LINGO2: variants seen among roughly 807,000 people sequenced by gnomAD.
The protein encoded by LINGO2 is leucine-rich repeat and immunoglobulin-like domain-containing nogo receptor-interacting protein 2.
LINGO2 carries 14 observed loss-of-function variants against 30.6 expected under a neutral mutation model. The observed-to-expected ratio is 0.46, with a 90% CI of 0.30 to 0.72. The LOEUF (loss-of-function observed/expected upper bound fraction) is 0.72, where lower values mean the gene tolerates loss of function less well. Ranked by LOEUF, LINGO2 falls within the 30% of genes least tolerant of loss-of-function variation. The pLI is 0.07. For synonymous variants in LINGO2, 317 were observed against 288.5 expected (o/e 1.10, Z -1.00); for missense variants, 729 against 751.7 (o/e 0.97, Z 0.35).
chr9:28,969,360 G>T, the LINGO2 span, among the ~76,000 whole-genome samples: 4 of 152,114 alleles, frequency 2.6e-5, no homozygotes, highest in Admixed American at 2.6e-4. Context: ...AAAGACCAGG[G>T]GCAGGTAGTG....
the LINGO2 span, among the ~76,000 whole-genome samples, chr9:28,780,828 TAATGTGTGTGTGTGTGTGTGTGTGTGTG>T: frequency 7.2e-6 from 1 of 139,442 alleles, no homozygotes; most frequent in East Asian, 2.1e-4. Flanking sequence ...ATCTTGGTAG[TAATGTGTGTGTGTGTGTGTGTGTGTGTG>T]TGTGTGTGTG....
At chr9:28,203,936 G>C (rs1476907938) in intron 4 of LINGO2, among the ~76,000 whole-genome samples, 1 of 152,036 alleles carries the variant, frequency 6.6e-6, no homozygotes, top group Non-Finnish European at 1.5e-5. Flanking sequence ...AATTTTTTCC[G>C]GTTGTTCCTC....
At chr9:28,100,023 G>T (rs1195122281) in intron 4 of LINGO2, among the ~76,000 whole-genome samples, 1 of 152,070 alleles carries the variant, frequency 6.6e-6, no homozygotes, top group Non-Finnish European at 1.5e-5. Context: ...ATGTACTTCT[G>T]CTCTTAGCAC....
the LINGO2 span, among the ~76,000 whole-genome samples, chr9:29,042,772 C>A: frequency 2.0e-5 from 3 of 151,862 alleles, no homozygotes; most frequent in African/African-American, 7.2e-5. Context: ...TTTTCTAATA[C>A]ACACAATTTG....
chr9:29,190,753 T>C, the LINGO2 span, among the ~76,000 whole-genome samples: 1 of 152,194 alleles, frequency 6.6e-6, no homozygotes, highest in Non-Finnish European at 1.5e-5. Context: ...AATTTCCATA[T>C]TATGAAAAAA....
At chr9:29,150,100 C>T in the LINGO2 span, among the ~76,000 whole-genome samples, 2 of 152,134 alleles carry the variant, frequency 1.3e-5, no homozygotes, top group Non-Finnish European at 2.9e-5. Context: ...AGTAGGAGCC[C>T]GTGTGCTGGC....
chr9:28,384,423 G>C (rs1821491861), intron 2 of LINGO2, among the ~76,000 whole-genome samples: 1 of 149,276 alleles, frequency 6.7e-6, no homozygotes, highest in Non-Finnish European at 1.5e-5. Flanking sequence ...CATTTTTTCA[G>C]TTAACATTTT....
chr9:28,717,366 G>C, the LINGO2 span, among the ~76,000 whole-genome samples: 34 of 151,440 alleles, frequency 2.2e-4, no homozygotes, highest in African/African-American at 8.0e-4. Context: ...AAAAGATGAA[G>C]GGGGGATTTT....
At chr9:29,175,607 A>G in the LINGO2 span, among the ~76,000 whole-genome samples, 1 of 145,820 alleles carries the variant, frequency 6.9e-6, no homozygotes. Flanking sequence ...GCTCACTGCA[A>G]CCTCCACGTC....
intron 2 of LINGO2, among the ~76,000 whole-genome samples, chr9:28,407,045 A>G (rs1359846135): frequency 1.3e-5 from 2 of 152,154 alleles, no homozygotes; most frequent in East Asian, 3.9e-4. Context: ...AATATATGAT[A>G]CTACTACATT....
At chr9:28,313,307 C>CT (rs1408465807) in intron 3 of LINGO2, among the ~76,000 whole-genome samples, 7 of 152,186 alleles carry the variant, frequency 4.6e-5, no homozygotes, top group Admixed American at 3.3e-4. Context: ...CTCTGGGCTC[C>CT]TGCTCACACA....
chr9:28,874,681 A>G, the LINGO2 span, among the ~76,000 whole-genome samples: 4 of 152,120 alleles, frequency 2.6e-5, no homozygotes, highest in African/African-American at 9.7e-5. Flanking sequence ...TTTTAAATAC[A>G]TAAAACACCT....
the LINGO2 span, among the ~76,000 whole-genome samples, chr9:29,187,088 T>A: frequency 6.6e-6 from 1 of 152,140 alleles, no homozygotes; most frequent in Admixed American, 6.5e-5. Flanking sequence ...AGCAAAATAG[T>A]AGAGCTAAAA....
chr9:28,743,449 C>G, the LINGO2 span, among the ~76,000 whole-genome samples: 6 of 152,020 alleles, frequency 3.9e-5, no homozygotes, highest in Non-Finnish European at 7.4e-5. Flanking sequence ...TTTTCTGCTC[C>G]TGTGCTAGTT....
chr9:28,578,061 C>A (rs1016919669), intron 1 of LINGO2, among the ~76,000 whole-genome samples: 1 of 152,078 alleles, frequency 6.6e-6, no homozygotes, highest in South Asian at 2.1e-4. Context: ...TACTTTGGGG[C>A]AGAGTACATT....
At chr9:29,038,169 T>C in the LINGO2 span, among the ~76,000 whole-genome samples, 1 of 152,092 alleles carries the variant, frequency 6.6e-6, no homozygotes, top group Non-Finnish European at 1.5e-5. Context: ...AGTACACATA[T>C]ATTCAACTTC....
chr9:28,626,105 T>C (rs1181869724), intron 1 of LINGO2, among the ~76,000 whole-genome samples: 1 of 152,152 alleles, frequency 6.6e-6, no homozygotes, highest in Non-Finnish European at 1.5e-5. Flanking sequence ...TTCTTTTAAA[T>C]TGTAACCATT....
chr9:28,632,869 TATATATATATGTAG>T (rs1563879083), intron 1 of LINGO2, among the ~76,000 whole-genome samples: 95 of 110,974 alleles, frequency 8.6e-4, no homozygotes, highest in Non-Finnish European at 1.1e-3. Flanking sequence ...TATATATATA[TATATATATATGTAG>T]AGAGAGAGAG....
intron 4 of LINGO2, among the ~76,000 whole-genome samples, chr9:28,196,551 A>G (rs1820020058): frequency 6.6e-6 from 1 of 151,952 alleles, no homozygotes; most frequent in African/African-American, 2.4e-5. Flanking sequence ...AAAAATATGA[A>G]TAATTGAAAT....
Sources: allele counts gnomAD v4.1 joint callset (sites outside exome capture counted in the v4.1 genomes callset), GRCh38; gene constraint gnomAD v4.1.1; transcripts MANE v1.5; gene names NCBI Gene and HGNC (gene_info 2026-07-23, HGNC 2026-07-21).